Variants in CEMIP observed in about 807,000 individuals in gnomAD.
CEMIP encodes cell migration-inducing and hyaluronan-binding protein.
CEMIP carries 105 observed loss-of-function variants against 156.9 expected under a neutral mutation model. That is an observed-to-expected ratio of 0.67 (90% confidence interval 0.57 to 0.79). CEMIP has a LOEUF of 0.79. CEMIP is among the 30% of genes least tolerant of loss of function. The probability of loss-of-function intolerance (pLI) is 0.00; values close to 1 mark genes in which losing one functional copy is unlikely to be tolerated. For missense variants in CEMIP, 1,457 were observed against 1,769.4 expected, an observed-to-expected ratio of 0.82 and a Z score of 3.17; for synonymous variants, 676 against 668.4, an observed-to-expected ratio of 1.01 and a Z score of -0.17.
At chr15:80,942,427 T>TGGGA in intron 27 of CEMIP, 90 bp downstream of exon 27, 2 of 1,138,668 alleles carry the variant, frequency 1.8e-6, no homozygotes, top group Non-Finnish European at 2.7e-6. Flanking sequence ...TACTGCAAAC[T>TGGGA]GGGAGCAAGG....
In CEMIP at chr15:80,866,763, G is replaced by T. The variant is rs1596143903; in HGVS notation, c.-175-6775G>T. On this transcript the variant is annotated intron_variant, in intron 1 of 29. Transcript: ENST00000394685. ...ATCACACCACTGCACTCCAGCCTGG[G>T]CAACAAGAACAAAACTCTGTCTTAA... Among the ~76,000 whole-genome samples, 11 of 147,052 alleles carry T rather than the reference G, an allele frequency of 7.5e-5. No homozygotes were observed. The South Asian group carries it at 2.3e-3, about 31-fold the overall frequency.
At chr15:80,818,655 G>A (rs1054842762) in intron 1 of CEMIP, among the ~76,000 whole-genome samples, 2 of 152,222 alleles carry the variant, frequency 1.3e-5, no homozygotes, top group Non-Finnish European at 2.9e-5. Context: ...ACTGAAGCCA[G>A]TGCACCACTT....
Position 80,906,705 on chromosome 15 carries a change from T to C in CEMIP, c.1454T>C (p.Val485Ala). 1 of 1,614,110 alleles carries C rather than the reference T, an allele frequency of 6.2e-7. No homozygotes were observed. Among genetic ancestry groups the C allele is most frequent in the Non-Finnish European group, 8.5e-7 (1 of 1,180,004 alleles). ...CACATCGGGGAGGAGATAGACGGCG[T>C]GGACATGCGGGCGGAGGTTGGGCTT... ...YLHIGEEIDGVDMRAEVGLLS... is the reference protein window; with the variant it reads ...YLHIGEEIDGADMRAEVGLLS... The change falls in exon 13 of 30, where the codon GTG (valine) becomes GCG (alanine). Residue 485 changes from valine (V) to alanine (A), a missense_variant. This residue lies in a region of CEMIP where 280 missense variants were observed against 300.3 expected (regional missense o/e 0.93). Transcript: ENST00000394685. This position sits in a 1 kb window ranked among gnomAD's most constrained non-coding sequence, Gnocchi z 4.3.
intron 1 of CEMIP, among the ~76,000 whole-genome samples, chr15:80,859,954 G>A (rs180811353): frequency 1.7e-3 from 255 of 152,260 alleles, no homozygotes; most frequent in African/African-American, 6.0e-3. Context: ...CCAAAGGGTA[G>A]GGTGGATCTG....
chr15:80,829,524 C>A (rs7173789), intron 1 of CEMIP, among the ~76,000 whole-genome samples: 81,951 of 152,042 alleles, frequency 0.54, 22,193 homozygotes, highest in East Asian at 0.6. Context: ...TGTTGGGCAC[C>A]CCTTAGATCA....
At chr15:80,862,498 T>C (rs1898012576) in intron 1 of CEMIP, among the ~76,000 whole-genome samples, 1 of 152,180 alleles carries the variant, frequency 6.6e-6, no homozygotes, top group Non-Finnish European at 1.5e-5. Flanking sequence ...CCTATGTGTG[T>C]TGAATGAACC....
intron 15 of CEMIP, 42 bp downstream of exon 15, chr15:80,920,341 T>A (rs773339327): frequency 1.9e-5 from 30 of 1,546,802 alleles, no homozygotes; most frequent in Non-Finnish European, 2.7e-5. Context: ...GGGGAAGGGG[T>A]GTACATGTGT....
Position 80,932,166 on chromosome 15 carries a change from G to A in CEMIP, c.2793+127G>A, listed in dbSNP as rs1900943069. The stretch of plus-strand genomic sequence containing the variant: ...GGGTTGAGAAGCCTCCTCCAACTAG[G>A]CTGGGCCATGTCCCAGTTTGCTCTT... On this transcript the variant is annotated intron_variant, in intron 22 of 29. Coordinates refer to ENST00000394685, the MANE Select transcript of CEMIP (RefSeq NM_001293298.2). The surrounding 1 kb of genome is among the most constrained non-coding windows in gnomAD (Gnocchi z 4.5). The A allele has an allele frequency of 1.9e-6, 2 of 1,067,730 alleles. No homozygotes were observed. Among genetic ancestry groups the A allele is most frequent in the Admixed American group, 1.9e-5 (1 of 53,252 alleles). 66.1% of individuals were successfully genotyped at this position (1,067,730 alleles called of 1,614,324 possible).
intron 14 of CEMIP, among the ~76,000 whole-genome samples, chr15:80,919,657 C>T (rs1009228968): frequency 4.6e-5 from 7 of 152,130 alleles, no homozygotes; most frequent in East Asian, 1.9e-4. Context: ...ACTGAAAACA[C>T]GCAGAAAATT....
chr15:80,796,312 C>G (rs1247673203), intron 1 of CEMIP, among the ~76,000 whole-genome samples: 1 of 152,124 alleles, frequency 6.6e-6, no homozygotes, highest in South Asian at 2.1e-4. Context: ...AGTAGCTTCT[C>G]TTTGTGGATT....
rs188724451 is a variant in CEMIP at position 80,785,732 on chromosome 15, G to C, written c.-176+6118G>C. Among the ~76,000 whole-genome samples, 172 of 152,302 alleles carry C rather than the reference G, an allele frequency of 1.1e-3. 1 individual carries two copies. The highest frequency in any genetic ancestry group is 4.0e-3 in the African/African-American group (166 of 41,550). ...AAGCTTCACTGAGGGCATATGAGGA[G>C]AGTCAGAAGCTCAGAAAGGCCTAAA... On this transcript the variant is annotated intron_variant, in intron 1 of 29. Transcript: ENST00000394685.
chr15:80,811,140 A>G (rs1367780851), intron 1 of CEMIP, among the ~76,000 whole-genome samples: 5 of 152,244 alleles, frequency 3.3e-5, no homozygotes, highest in Non-Finnish European at 7.3e-5. Context: ...AAAAAACTAA[A>G]TAGAATTCAA....
chr15:80,935,739 TTTTTG>T (rs1433254482), intron 23 of CEMIP, among the ~76,000 whole-genome samples: 1 of 152,128 alleles, frequency 6.6e-6, no homozygotes, highest in South Asian at 2.1e-4. Flanking sequence ...TTTGTTTTTG[TTTTTG>T]TTTTGAGATG....
rs536890582 is a variant in CEMIP, at chr15:80,920,231, C to A, written c.1935C>A (p.Ser645Arg). 1.2e-6 allele frequency: 2 copies of A among 1,614,188 alleles called. No individual in the cohort carries two copies. Among genetic ancestry groups the A allele is most frequent in the South Asian group, 2.2e-5 (2 of 91,078 alleles). ...CCCTCCTCCCCTCGGACCGTGACAG[C>A]AAGATGTGCAAGATGATCACAGAGG... is the stretch of plus-strand genomic sequence containing the variant. ...SGTLLPSDRD[S>R]KMCKMITEDS... Residue 645 changes from serine (S) to arginine (R), a missense_variant, in exon 15 of 30, where the codon AGC (serine) becomes AGA (arginine). Physicochemically the swap from Ser to Arg is moderately radical, Grantham distance 110. Around this residue, in one of 5 missense-constraint regions of CEMIP, gnomAD observed 798 missense variants for 980.1 expected, o/e 0.81. Coordinates refer to ENST00000394685, the MANE Select transcript of CEMIP (RefSeq NM_001293298.2).
chr15:80,865,415 C>T (rs1313548969), intron 1 of CEMIP, among the ~76,000 whole-genome samples: 3 of 152,028 alleles, frequency 2.0e-5, no homozygotes, highest in East Asian at 1.9e-4. Context: ...CTCTTGACCT[C>T]GTGACCCACC....
intron 1 of CEMIP, among the ~76,000 whole-genome samples, chr15:80,794,713 G>A (rs978237984): frequency 6.6e-6 from 1 of 152,166 alleles, no homozygotes; most frequent in African/African-American, 2.4e-5. Flanking sequence ...GACCTGCCAT[G>A]TTTCCCGTGC....
rs1333769456 is a variant in CEMIP, at chr15:80,903,934, G to A, written c.1412-2729G>A. 2.6e-5 allele frequency among the ~76,000 whole-genome samples: 4 copies of A among 152,220 alleles called. No individual in the cohort carries two copies. The East Asian group carries it at 7.7e-4, about 29-fold the overall frequency. ...GAAGGAGCCCTGCTTCTGGATCTTA[G>A]AACTGTAAAGACACATGGCTCTGTG... On this transcript the variant is annotated intron_variant, in intron 12 of 29. Transcript: ENST00000394685.
chr15:80,927,873 G>C (rs1900754850), intron 19 of CEMIP, among the ~76,000 whole-genome samples: 1 of 152,186 alleles, frequency 6.6e-6, no homozygotes, highest in Non-Finnish European at 1.5e-5. Context: ...GATGGGACTG[G>C]AATGACTGAT....
At chr15:80,935,722 CG>C (rs1901095579) in intron 23 of CEMIP, among the ~76,000 whole-genome samples, 2 of 151,934 alleles carry the variant, frequency 1.3e-5, no homozygotes, top group South Asian at 4.2e-4. Context: ...CAGGACATGG[CG>C]TTTTTTTTGT....
Sources: allele counts gnomAD v4.1 joint callset (sites outside exome capture counted in the v4.1 genomes callset), GRCh38; gene constraint gnomAD v4.1.1; regional missense constraint gnomAD v4.1.1; non-coding constraint Gnocchi (gnomAD v3.1); transcripts MANE v1.5; gene names NCBI Gene and HGNC (gene_info 2026-07-23, HGNC 2026-07-21).